SERGEF: variants seen among roughly 807,000 people sequenced by gnomAD.
SERGEF encodes secretion regulating guanine nucleotide exchange factor.
Under a neutral mutation model 50.0 loss-of-function variants are expected in SERGEF, and 51 were observed. The ratio of observed to expected loss-of-function variants is 1.02; its 90% confidence interval spans 0.81 to 1.29. The LOEUF is 1.29. SERGEF is among the 50% of genes most tolerant of loss of function. SERGEF has a pLI of 0.00. For missense variants in SERGEF, 521 were observed against 557.0 expected, an observed-to-expected ratio of 0.94 and a Z score of 0.65; for synonymous variants, 205 against 212.4, an observed-to-expected ratio of 0.97 and a Z score of 0.30.
intron 10 of SERGEF, among the ~76,000 whole-genome samples, chr11:17,849,361 T>C (rs1407015047): frequency 6.6e-6 from 1 of 152,236 alleles, no homozygotes; most frequent in Non-Finnish European, 1.5e-5. Flanking sequence ...ACAAGAGTCA[T>C]ACGTGATACT....
Position 17,987,222 on chromosome 11 carries a change from T to A in SERGEF, c.844+1375A>T, listed in dbSNP as rs1653435533. ...GGAAAGAGGTCAGAAATCCTAGCTA[T>A]CTACCCTGCCTTGTATGCATTTGTG... On this transcript the variant is annotated intron_variant, in intron 8 of 10. Coordinates refer to ENST00000265965, the MANE Select transcript of SERGEF (RefSeq NM_012139.4). Among the ~76,000 whole-genome samples the A allele has an allele frequency of 3.3e-5, 5 of 152,354 alleles. No individual in the cohort carries two copies. The South Asian group carries it at 1.0e-3, about 32-fold the overall frequency.
chr11:17,953,377 T>C (rs1852806580), intron 9 of SERGEF, among the ~76,000 whole-genome samples: 1 of 152,200 alleles, frequency 6.6e-6, no homozygotes, highest in South Asian at 2.1e-4. Context: ...GGCACGAAAG[T>C]ACTTGGTAAA....
chr11:18,012,740 G>A (rs977915713), intron 1 of SERGEF: 1,067 of 1,362,238 alleles, frequency 7.8e-4, no homozygotes, highest in Non-Finnish European at 8.9e-4. Flanking sequence ...CCGCCAGCCG[G>A]CAGGCCCCTA....
intron 10 of SERGEF, among the ~76,000 whole-genome samples, chr11:17,853,167 A>C (rs972989241): frequency 4.6e-5 from 7 of 151,978 alleles, no homozygotes; most frequent in Non-Finnish European, 8.8e-5. Flanking sequence ...AATAGTACCC[A>C]CTTCATATGG....
rs116380391 is a variant in SERGEF at position 17,844,831 on chromosome 11, G to A, written c.1048+33377C>T. Among the ~76,000 whole-genome samples, 1,285 of 151,814 alleles carry A rather than the reference G, an allele frequency of 8.5e-3. 12 individuals carry two copies. Among genetic ancestry groups the A allele is most frequent in the Non-Finnish European group, 0.013 (879 of 67,982 alleles). On this transcript the variant is annotated intron_variant, in intron 10 of 10. Transcript: ENST00000265965. ...CGCCAGAGGTGTCCAATCTTTTGGC[G>A]TCCCTGGGCCACACTGGAAGAAGAA...
intron 8 of SERGEF, among the ~76,000 whole-genome samples, chr11:17,975,537 C>T (rs1853352067): frequency 6.6e-6 from 1 of 152,092 alleles, no homozygotes; most frequent in African/African-American, 2.4e-5. Flanking sequence ...AACTCCAGTC[C>T]CACCCATCTC....
chr11:17,916,051 C>G (rs1398111399), intron 9 of SERGEF, among the ~76,000 whole-genome samples: 1 of 151,532 alleles, frequency 6.6e-6, no homozygotes, highest in African/African-American at 2.4e-5. Context: ...CAAGTAAAAC[C>G]TTTTTTTTTC....
At chr11:17,911,610 C>G (rs2133930554) in intron 9 of SERGEF, among the ~76,000 whole-genome samples, 1 of 151,892 alleles carries the variant, frequency 6.6e-6, no homozygotes, top group East Asian at 1.9e-4. Flanking sequence ...CGCTCAGCCT[C>G]CCAAGTAGTT....
At chr11:17,880,660 C>A (rs1851319637) in intron 9 of SERGEF, among the ~76,000 whole-genome samples, 1 of 151,180 alleles carries the variant, frequency 6.6e-6, no homozygotes, top group African/African-American at 2.4e-5. Flanking sequence ...AGGGAAAAAT[C>A]TATTAAAAAC....
chr11:17,844,802 T>C (rs1287916532), intron 10 of SERGEF, among the ~76,000 whole-genome samples: 1 of 151,928 alleles, frequency 6.6e-6, no homozygotes, highest in African/African-American at 2.4e-5. Flanking sequence ...ATAGAGAGGC[T>C]CTACGCCAGA....
At chr11:17,830,349 A>G (rs1205286881) in intron 10 of SERGEF, among the ~76,000 whole-genome samples, 1 of 152,208 alleles carries the variant, frequency 6.6e-6, no homozygotes, top group Non-Finnish European at 1.5e-5. Context: ...TCATTCATAT[A>G]TTCACTCACT....
chr11:17,944,023 G>A (rs389530), intron 9 of SERGEF, among the ~76,000 whole-genome samples: 34,723 of 152,002 alleles, frequency 0.23, 4,452 homozygotes, highest in African/African-American at 0.35. Flanking sequence ...CACCTCCCAG[G>A]TTCAAGCGGT....
chr11:17,849,214 C>G (rs1850669860), intron 10 of SERGEF, among the ~76,000 whole-genome samples: 1 of 152,124 alleles, frequency 6.6e-6, no homozygotes, highest in African/African-American at 2.4e-5. Context: ...TTTGTTCTAG[C>G]CAAGCTGAGC....
At chr11:17,906,357 G>A (rs144531076) in intron 9 of SERGEF, among the ~76,000 whole-genome samples, 53 of 152,300 alleles carry the variant, frequency 3.5e-4, no homozygotes, top group African/African-American at 1.2e-3. Flanking sequence ...ACGAAGTTTC[G>A]GTCTAAACCA....
intron 8 of SERGEF, among the ~76,000 whole-genome samples, chr11:17,973,945 G>A (rs1276959242): frequency 1.3e-5 from 2 of 152,188 alleles, no homozygotes; most frequent in Admixed American, 1.3e-4. Flanking sequence ...CACCAGGAAA[G>A]GGAAGATAAT....
intron 8 of SERGEF, among the ~76,000 whole-genome samples, chr11:17,975,672 T>C (rs1354810133): frequency 6.6e-6 from 1 of 152,074 alleles, no homozygotes; most frequent in East Asian, 1.9e-4. Context: ...CAGAGGAGAC[T>C]GCAAGAGCAC....
chr11:17,877,807 G>A (rs1295059422), intron 10 of SERGEF: 1 of 169,886 alleles, frequency 5.9e-6, no homozygotes, highest in East Asian at 1.8e-4. Flanking sequence ...AGTGAGCAGA[G>A]CCGCATATTT....
chr11:17,950,401 A>G (rs1852753206), intron 9 of SERGEF, among the ~76,000 whole-genome samples: 1 of 152,224 alleles, frequency 6.6e-6, no homozygotes, highest in African/African-American at 2.4e-5. Flanking sequence ...TCTTTCACAT[A>G]GAAAGTCGCT....
intron 10 of SERGEF, among the ~76,000 whole-genome samples, chr11:17,806,045 A>T (rs921703362): frequency 6.6e-6 from 1 of 152,220 alleles, no homozygotes; most frequent in Non-Finnish European, 1.5e-5. Flanking sequence ...TGAATGAGCA[A>T]GTCACTTGAC....
Sources: allele counts gnomAD v4.1 joint callset (sites outside exome capture counted in the v4.1 genomes callset), GRCh38; gene constraint gnomAD v4.1.1; transcripts MANE v1.5; gene names NCBI Gene and HGNC (gene_info 2026-07-23, HGNC 2026-07-21).